Variants in PDE3B observed in about 807,000 individuals in gnomAD.
PDE3B encodes cGMP-inhibited 3',5'-cyclic phosphodiesterase 3B.
In PDE3B, 66 loss-of-function variants were observed where a neutral mutation model predicts 116.8. The observed-to-expected ratio is 0.56, with a 90% CI of 0.46 to 0.69. The LOEUF (loss-of-function observed/expected upper bound fraction) is 0.69. PDE3B is among the 30% of genes least tolerant of loss of function. PDE3B has a pLI of 0.00. For synonymous variants in PDE3B, 595 were observed against 533.6 expected, an observed-to-expected ratio of 1.12 and a Z score of -1.59; for missense variants, 1,384 against 1,368.1, an observed-to-expected ratio of 1.01 and a Z score of -0.18.
intron 1 of PDE3B, among the ~76,000 whole-genome samples, chr11:14,759,180 A>G (rs1173007022): frequency 6.6e-6 from 1 of 152,082 alleles, no homozygotes; most frequent in African/African-American, 2.4e-5. Context: ...CCAGTATTTT[A>G]TTGAGGATTT....
chr11:14,805,751 A>C (rs899380844), intron 5 of PDE3B, among the ~76,000 whole-genome samples: 1 of 152,240 alleles, frequency 6.6e-6, no homozygotes, highest in African/African-American at 2.4e-5. Context: ...ATGGAACTAC[A>C]AGAACAAACC....
chr11:14,806,128 A>C (rs1261918874), intron 5 of PDE3B, among the ~76,000 whole-genome samples: 2 of 152,158 alleles, frequency 1.3e-5, no homozygotes, highest in Non-Finnish European at 2.9e-5. Flanking sequence ...TTGACCCAGC[A>C]ATCCCATTAC....
chr11:14,884,710 AAG>A, the PDE3B span, among the ~76,000 whole-genome samples: 2 of 152,042 alleles, frequency 1.3e-5, no homozygotes, highest in Non-Finnish European at 2.9e-5. Flanking sequence ...AAATTAAAAA[AAG>A]AAATAAAAAA....
intron 4 of PDE3B, among the ~76,000 whole-genome samples, chr11:14,795,484 G>C (rs1260767599): frequency 6.6e-6 from 1 of 152,124 alleles, no homozygotes; most frequent in Non-Finnish European, 1.5e-5. Flanking sequence ...TATTTATCTG[G>C]TGCTGGGCCA....
chr11:14,880,476 T>G, the PDE3B span: 1 of 1,613,406 alleles, frequency 6.2e-7, no homozygotes, highest in Non-Finnish European at 8.5e-7. Context: ...CACTGGCAGC[T>G]AGTTCCACAT....
chr11:14,846,984 G>C (rs1358523556), intron 12 of PDE3B, among the ~76,000 whole-genome samples: 1 of 152,144 alleles, frequency 6.6e-6, no homozygotes, highest in Non-Finnish European at 1.5e-5. Flanking sequence ...TCTGCACCAA[G>C]CGGACCTAAT....
intron 1 of PDE3B, among the ~76,000 whole-genome samples, chr11:14,688,586 T>C (rs1363738646): frequency 1.3e-5 from 2 of 152,180 alleles, no homozygotes; most frequent in East Asian, 3.9e-4. Flanking sequence ...GTTATTGACA[T>C]TTAGTCTTGT....
intron 5 of PDE3B, among the ~76,000 whole-genome samples, chr11:14,808,128 C>G (rs1012888090): frequency 6.6e-6 from 1 of 151,552 alleles, no homozygotes; most frequent in Non-Finnish European, 1.5e-5. Context: ...CTGATCCCCC[C>G]AGGGATGACT....
At chr11:14,835,696 T>G (rs962027493) in intron 11 of PDE3B, among the ~76,000 whole-genome samples, 1 of 152,174 alleles carries the variant, frequency 6.6e-6, no homozygotes, top group African/African-American at 2.4e-5. Context: ...TGGTGACTCA[T>G]GCCTATAATC....
chr11:14,765,801 T>C (rs1590126224), intron 1 of PDE3B, among the ~76,000 whole-genome samples: 1 of 150,084 alleles, frequency 6.7e-6, no homozygotes, highest in African/African-American at 2.4e-5. Flanking sequence ...TAAACTGGGA[T>C]TAAAAATTTA....
chr11:14,883,111 A>G, the PDE3B span, among the ~76,000 whole-genome samples: 188 of 152,310 alleles, frequency 1.2e-3, no homozygotes, highest in African/African-American at 4.2e-3. Flanking sequence ...ATACTGCCCA[A>G]GGTAATTTAT....
chr11:14,728,473 G>A (rs1856375128), intron 1 of PDE3B, among the ~76,000 whole-genome samples: 1 of 152,054 alleles, frequency 6.6e-6, no homozygotes, highest in African/African-American at 2.4e-5. Context: ...CATTTTTAGA[G>A]TACATTTTAT....
At position 14,818,381 on chromosome 11, in the gene PDE3B, A is replaced by G. The variant is rs1011483317; in HGVS notation, c.1721A>G (p.Asn574Ser). 1.7e-5 allele frequency: 27 copies of G among 1,605,356 alleles called. No individual in the cohort carries two copies. Among genetic ancestry groups the G allele is most frequent in the Non-Finnish European group, 2.1e-5 (25 of 1,172,228 alleles). The change falls in exon 6 of 16, where the codon AAT becomes AGT. Residue 574 changes from asparagine (N) to serine (S), a missense_variant. Asn to Ser is a conservative substitution (Grantham distance 46). Transcript: ENST00000282096. Reference sequence around the variant, plus strand: ...CAGCAACTTAGAAATTCTGATAGCAATCTGTGTAACAGGTAAGTTTCCCAA... The same window carrying G: ...CAGCAACTTAGAAATTCTGATAGCAGTCTGTGTAACAGGTAAGTTTCCCAA... Reference protein sequence around the residue: ...FYQQLRNSDSNLCNSCGHQML... With the variant: ...FYQQLRNSDSSLCNSCGHQML...
rs1848073289 is a variant in PDE3B at position 14,867,697 on chromosome 11, T to C, written c.3078T>C (p.Asp1026=). The C allele has an allele frequency of 6.2e-7, 1 of 1,613,562 alleles. No individual in the cohort carries two copies. Among genetic ancestry groups the C allele is most frequent in the South Asian group, 1.1e-5 (1 of 91,072 alleles). Residue 1026 remains aspartate (D), a synonymous_variant, in exon 15 of 16, where the codon GAT becomes GAC. Transcript: ENST00000282096. ...AEEDNDTESG[D]DEDGEELDTE... is the part of the protein sequence containing the mutation. ...AGGATAATGATACTGAAAGTGGTGA[T>C]GATGAAGACGGTGAAGAATTAGATA... is the stretch of plus-strand genomic sequence containing the variant.
intron 1 of PDE3B, among the ~76,000 whole-genome samples, chr11:14,706,097 TC>T (rs1389995372): frequency 6.6e-6 from 1 of 151,590 alleles, no homozygotes; most frequent in Non-Finnish European, 1.5e-5. Flanking sequence ...TAACCTACCT[TC>T]CTTTTTACCT....
intron 1 of PDE3B, among the ~76,000 whole-genome samples, chr11:14,650,228 G>A (rs1396437682): frequency 1.3e-5 from 2 of 148,462 alleles, no homozygotes; most frequent in Admixed American, 1.3e-4. Context: ...TTGAGACAGG[G>A]TCTCACTCTG....
intron 7 of PDE3B, among the ~76,000 whole-genome samples, chr11:14,820,362 G>T (rs2133951850): frequency 6.6e-6 from 1 of 151,304 alleles, no homozygotes; most frequent in South Asian, 2.1e-4. Flanking sequence ...AGGCCCAAAA[G>T]ATCATATATT....
intron 1 of PDE3B, among the ~76,000 whole-genome samples, chr11:14,661,509 C>G (rs1309309450): frequency 2.0e-5 from 3 of 152,316 alleles, no homozygotes; most frequent in East Asian, 1.9e-4. Flanking sequence ...TGAGGCATTG[C>G]CTCACTCGGG....
chr11:14,724,858 C>T lies in PDE3B; in HGVS notation c.979-47079C>T, dbSNP rs117672174. Among the ~76,000 whole-genome samples the T allele has an allele frequency of 6.5e-3, 983 of 152,274 alleles. 5 individuals are homozygous for T. Among genetic ancestry groups the T allele is most frequent in the Non-Finnish European group, 0.011 (766 of 68,016 alleles). On this transcript the variant is annotated intron_variant, in intron 1 of 15. Coordinates refer to ENST00000282096, the MANE Select transcript of PDE3B (RefSeq NM_000922.4). ...GATATAGTAGAAGGATTCTTTCACT[C>T]ATTTATTTATTTATTCAACAGATAT... is the stretch of plus-strand genomic sequence containing the variant.
Sources: gnomAD v4.1 joint callset for allele counts (sites outside exome capture counted in the v4.1 genomes callset) on GRCh38, gnomAD v4.1.1 for gene constraint, MANE v1.5 for transcripts, NCBI Gene and HGNC (gene_info 2026-07-23, HGNC 2026-07-21) for gene names.